Variants in DOCK3 observed in about 807,000 individuals in gnomAD.
The protein encoded by DOCK3 is dedicator of cytokinesis 3.
DOCK3 carries 60 observed loss-of-function variants against 265.6 expected under a neutral mutation model. The observed-to-expected ratio is 0.23, with a 90% CI of 0.18 to 0.28. The LOEUF (loss-of-function observed/expected upper bound fraction) is 0.28, where lower values mean the gene tolerates loss of function less well. Among genes scored for constraint, DOCK3 ranks in the 10% least tolerant of loss-of-function variants. The pLI, the probability that DOCK3 is intolerant of heterozygous loss-of-function variation, is 1.00. For missense variants in DOCK3, 1,981 were observed against 2,594.3 expected, an observed-to-expected ratio of 0.76 and a Z score of 5.14; for synonymous variants, 881 against 938.0, an observed-to-expected ratio of 0.94 and a Z score of 1.11.
At chr3:50,725,488 C>G (rs984816236) in intron 1 of DOCK3, among the ~76,000 whole-genome samples, 1 of 152,166 alleles carries the variant, frequency 6.6e-6, no homozygotes, top group Non-Finnish European at 1.5e-5. Flanking sequence ...TGATTCATTC[C>G]TCTACTGATA....
intron 2 of DOCK3, among the ~76,000 whole-genome samples, chr3:50,822,745 C>T (rs998912989): frequency 8.5e-5 from 13 of 152,122 alleles, no homozygotes; most frequent in Admixed American, 2.0e-4. Context: ...CCACCTGCCT[C>T]GGCCTCCTAA....
intron 5 of DOCK3, among the ~76,000 whole-genome samples, chr3:50,998,271 G>A (rs950829477): frequency 6.6e-6 from 1 of 152,158 alleles, no homozygotes; most frequent in African/African-American, 2.4e-5. Context: ...CTGGGACTTT[G>A]AATGCTAGCT....
intron 4 of DOCK3, among the ~76,000 whole-genome samples, chr3:50,896,096 A>G (rs2048881715): frequency 6.6e-6 from 1 of 152,170 alleles, no homozygotes; most frequent in African/African-American, 2.4e-5. Context: ...GAATCGCCAC[A>G]CTGTCTTCCA....
Position 51,315,042 on chromosome 3 carries a change from C to T in DOCK3, c.3316C>T (p.Pro1106Ser), listed in dbSNP as rs2083291046. ...IGPFLGVTLV[P>S]QPEVRNIMIP... Reference sequence around the variant, plus strand: ...TCCTTTTCTGGGTGTGACACTGGTCCCACAGCCAGAAGTACGGAATATCAT... The same window carrying T: ...TCCTTTTCTGGGTGTGACACTGGTCTCACAGCCAGAAGTACGGAATATCAT... Residue 1106 changes from proline (P) to serine (S), a missense_variant, in exon 32 of 53, where the codon CCA becomes TCA. Around this residue, in one of 4 missense-constraint regions of DOCK3, gnomAD observed 1,357 missense variants for 1,866.8 expected, o/e 0.73. Transcript: ENST00000266037. 1.2e-6 allele frequency: 2 copies of T among 1,612,690 alleles called. No individual in the cohort carries two copies. Among genetic ancestry groups the T allele is most frequent in the African/African-American group, 2.7e-5 (2 of 74,814 alleles).
intron 5 of DOCK3, among the ~76,000 whole-genome samples, chr3:50,973,184 T>C (rs1238341596): frequency 6.7e-6 from 1 of 149,736 alleles, no homozygotes; most frequent in Non-Finnish European, 1.5e-5. Context: ...TGTGTGCACA[T>C]TGTGCAGGTT....
intron 5 of DOCK3, among the ~76,000 whole-genome samples, chr3:50,975,928 G>A (rs374722954): frequency 9.3e-5 from 14 of 149,752 alleles, no homozygotes; most frequent in East Asian, 6.0e-4. Context: ...GTTTATTTGC[G>A]TAGAGGTGTT....
At chr3:51,027,820 G>A (rs751963926) in intron 5 of DOCK3, among the ~76,000 whole-genome samples, 1 of 151,732 alleles carries the variant, frequency 6.6e-6, no homozygotes, top group Non-Finnish European at 1.5e-5. Context: ...GAGCCTATGG[G>A]TGTCATTACA....
chr3:50,886,880 TTG>T (rs2048368734), intron 3 of DOCK3, among the ~76,000 whole-genome samples: 2 of 152,056 alleles, frequency 1.3e-5, no homozygotes, highest in South Asian at 4.1e-4. Context: ...AGTGGGAAAT[TTG>T]TGCACTAAAT....
chr3:50,814,678 A>C (rs564032528), intron 2 of DOCK3, among the ~76,000 whole-genome samples: 2 of 152,248 alleles, frequency 1.3e-5, no homozygotes, highest in East Asian at 3.9e-4. Context: ...AGGCATTAAA[A>C]CCGGACTATA....
At chr3:51,228,340 C>A (rs1227228661) in intron 17 of DOCK3, among the ~76,000 whole-genome samples, 2 of 152,208 alleles carry the variant, frequency 1.3e-5, no homozygotes, top group African/African-American at 4.8e-5. Context: ...TTACCAACCC[C>A]TCATTGCCAT....
intron 3 of DOCK3, among the ~76,000 whole-genome samples, chr3:50,879,427 G>A (rs1450287740): frequency 6.6e-6 from 1 of 150,964 alleles, no homozygotes; most frequent in Non-Finnish European, 1.5e-5. Context: ...TAAAGGGATG[G>A]AGGAAGATTT....
At chr3:50,908,672 A>G (rs898515580) in intron 4 of DOCK3, among the ~76,000 whole-genome samples, 2 of 152,136 alleles carry the variant, frequency 1.3e-5, no homozygotes, top group African/African-American at 4.8e-5. Flanking sequence ...GCCATGTGGC[A>G]ATCAGAAGAA....
At chr3:51,329,689 A>G (rs1387920024) in intron 32 of DOCK3, among the ~76,000 whole-genome samples, 1 of 152,258 alleles carries the variant, frequency 6.6e-6, no homozygotes, top group Non-Finnish European at 1.5e-5. Flanking sequence ...AATGCCAGTC[A>G]TTAGAGTGAG....
chr3:51,168,232 A>G (rs2086501028), intron 12 of DOCK3, among the ~76,000 whole-genome samples: 1 of 152,232 alleles, frequency 6.6e-6, no homozygotes, highest in South Asian at 2.1e-4. Context: ...ACAGAACTAG[A>G]AAAAACTATT....
In DOCK3 at chr3:50,980,839, T is replaced by C. The variant is rs546394675; in HGVS notation, c.315+46762T>C. 3.3e-5 allele frequency among the ~76,000 whole-genome samples: 5 copies of C among 152,276 alleles called. No homozygotes were observed. The South Asian group carries it at 1.0e-3, about 32-fold the overall frequency. On this transcript the variant is annotated intron_variant, in intron 5 of 52. Transcript: ENST00000266037. Reference sequence around the variant, plus strand: ...TTTCTGATTTTATTTATTTGGGTCTTCTCTCTTTTTTTTGGTTAGTCTAGA... The same window carrying C: ...TTTCTGATTTTATTTATTTGGGTCTCCTCTCTTTTTTTTGGTTAGTCTAGA...
intron 5 of DOCK3, among the ~76,000 whole-genome samples, chr3:51,004,917 A>G (rs2108718918): frequency 6.7e-6 from 1 of 148,486 alleles, no homozygotes; most frequent in African/African-American, 2.5e-5. Flanking sequence ...ATTTGACAAC[A>G]GCATCCTAGA....
At chr3:50,823,122 A>T (rs1168227962) in intron 2 of DOCK3, among the ~76,000 whole-genome samples, 1 of 152,110 alleles carries the variant, frequency 6.6e-6, no homozygotes, top group African/African-American at 2.4e-5. Flanking sequence ...GTTAATTTTT[A>T]AAAGTAAATT....
At chr3:50,906,633 A>G (rs1328903718) in intron 4 of DOCK3, among the ~76,000 whole-genome samples, 1 of 151,506 alleles carries the variant, frequency 6.6e-6, no homozygotes, top group Non-Finnish European at 1.5e-5. Flanking sequence ...TTTTTATTGC[A>G]TCTATTTGGT....
chr3:51,345,280 AG>A (rs1251779754), intron 38 of DOCK3, among the ~76,000 whole-genome samples: 1 of 152,200 alleles, frequency 6.6e-6, no homozygotes, highest in Non-Finnish European at 1.5e-5. Context: ...ACTGAGGCAC[AG>A]GCATTATATT....
Sources: gnomAD v4.1 joint callset for allele counts (sites outside exome capture counted in the v4.1 genomes callset) on GRCh38, gnomAD v4.1.1 for gene constraint, gnomAD v4.1.1 regional missense constraint, MANE v1.5 for transcripts, NCBI Gene and HGNC (gene_info 2026-07-23, HGNC 2026-07-21) for gene names.